Variants in TTLL11 observed in about 807,000 individuals in gnomAD.
TTLL11 encodes the protein tubulin tyrosine ligase like 11, also known as tubulin polyglutamylase TTLL11.
Under a neutral mutation model 51.7 loss-of-function variants are expected in TTLL11, and 42 were observed. That is an observed-to-expected ratio of 0.81 (90% confidence interval 0.64 to 1.05). TTLL11 has a LOEUF of 1.05. Among genes scored for constraint, TTLL11 ranks in the 50% least tolerant of loss-of-function variants. TTLL11 has a pLI of 0.00. For synonymous variants in TTLL11, 381 were observed against 383.5 expected (o/e 0.99, Z 0.08); for missense variants, 799 against 940.4 (o/e 0.85, Z 1.97).
chr9:122,031,750 AG>A lies in TTLL11; in HGVS notation c.665del (p.Pro222LeufsTer14). The A allele has an allele frequency of 6.2e-7, 1 of 1,613,096 alleles. No homozygotes were observed. Among genetic ancestry groups the A allele is most frequent in the Non-Finnish European group, 8.5e-7 (1 of 1,180,008 alleles). The stretch of plus-strand genomic sequence containing the variant: ...GAGCAACAAAGAGCTGGAACTCGTC[AG>A]GCAGAATCCATGAGCGAGGGTAGAA... ...YNFYPRSWILPDEFQLFVAQV... is the reference protein window; with the variant it reads ...YNFYPRSWILXDEFQLFVAQV... On this transcript the variant is annotated frameshift_variant, in exon 3 of 9. Transcript: ENST00000321582. LOFTEE classifies it high-confidence loss of function.
At position 121,817,218 on chromosome 9, in the gene TTLL11, G is replaced by C. The variant is rs572895940; in HGVS notation, c.*5369C>G. 4 of 152,308 alleles carry C rather than the reference G, an allele frequency of 2.6e-5. No homozygotes were observed. The South Asian group carries it at 8.3e-4, about 32-fold the overall frequency. The allele number at this position is 152,308 out of a possible 1,614,324, so 9.4% of individuals were successfully genotyped here. ...TCTGCCAATCACAAGGCACATTCCG[G>C]GTGTCAGAGGAGCAGCAGGAATCAT... is the stretch of plus-strand genomic sequence containing the variant. On this transcript the variant is annotated 3_prime_UTR_variant, in exon 9 of 9. Coordinates refer to ENST00000321582, the MANE Select transcript of TTLL11 (RefSeq NM_001139442.2).
Position 121,845,178 on chromosome 9 carries a change from A to T in TTLL11, c.1840+15159T>A, listed in dbSNP as rs553533463. ...AAGGTATATATGCCTTAGGTAAGGT[A>T]TATATAATGCCTTAAGGACAAGAAT... On this transcript the variant is annotated intron_variant, in intron 8 of 8. Coordinates refer to ENST00000321582, the MANE Select transcript of TTLL11 (RefSeq NM_001139442.2). Among the ~76,000 whole-genome samples the T allele has an allele frequency of 2.6e-5, 4 of 152,314 alleles. No homozygotes were observed. In the South Asian group the frequency reaches 8.3e-4, roughly 32 times the overall value.
At chr9:121,857,352 G>T (rs537235539) in intron 8 of TTLL11, among the ~76,000 whole-genome samples, 2 of 152,186 alleles carry the variant, frequency 1.3e-5, no homozygotes, top group East Asian at 1.9e-4. Context: ...AGCCCTGGAT[G>T]GGGGGAGAGC....
At chr9:122,057,322 CTTTTTTTTTTTT>C (rs58226814) in intron 1 of TTLL11, among the ~76,000 whole-genome samples, 8 of 128,174 alleles carry the variant, frequency 6.2e-5, no homozygotes, top group African/African-American at 9.1e-5. Context: ...AGCTCAAATC[CTTTTTTTTTTTT>C]TTTTTTTTTA....
At chr9:121,844,638 G>A (rs1837461000) in intron 8 of TTLL11, among the ~76,000 whole-genome samples, 1 of 152,110 alleles carries the variant, frequency 6.6e-6, no homozygotes, top group Admixed American at 6.5e-5. Flanking sequence ...CAACATTCAA[G>A]AACAGATGGA....
At chr9:121,935,471 C>T (rs373407549) in intron 6 of TTLL11, among the ~76,000 whole-genome samples, 43 of 152,298 alleles carry the variant, frequency 2.8e-4, no homozygotes, top group African/African-American at 9.4e-4. Flanking sequence ...CTAGATCAGA[C>T]AAGGCCTTGT....
chr9:121,972,063 T>A (rs1440716330), intron 6 of TTLL11, among the ~76,000 whole-genome samples: 1 of 150,876 alleles, frequency 6.6e-6, no homozygotes, highest in African/African-American at 2.4e-5. Flanking sequence ...CAAATCACCA[T>A]GGCACGTGTA....
chr9:122,012,442 A>G (rs7040155), intron 3 of TTLL11, among the ~76,000 whole-genome samples: 10,355 of 151,322 alleles, frequency 0.068, 553 homozygotes, highest in African/African-American at 0.16. Flanking sequence ...GAGAGAGAGA[A>G]AAAAAAAAGC....
chr9:122,071,018 C>A (rs1267999919), intron 1 of TTLL11, among the ~76,000 whole-genome samples: 1 of 152,144 alleles, frequency 6.6e-6, no homozygotes, highest in Non-Finnish European at 1.5e-5. Context: ...GCCAGTGTCT[C>A]GGGCACTCCA....
chr9:121,922,417 T>A (rs1840577944), intron 6 of TTLL11, among the ~76,000 whole-genome samples: 1 of 152,176 alleles, frequency 6.6e-6, no homozygotes, highest in African/African-American at 2.4e-5. Flanking sequence ...AAGGAATTCT[T>A]GGGGTCCGGG....
intron 7 of TTLL11, among the ~76,000 whole-genome samples, chr9:121,863,016 A>C (rs1430436490): frequency 6.6e-6 from 1 of 152,022 alleles, no homozygotes; most frequent in African/African-American, 2.4e-5. Flanking sequence ...CTTGTATGCC[A>C]GCACACTTTC....
chr9:122,083,826 G>A (rs1156432396), intron 1 of TTLL11, among the ~76,000 whole-genome samples: 1 of 151,972 alleles, frequency 6.6e-6, no homozygotes, highest in African/African-American at 2.4e-5. Context: ...AAAGAAAGAA[G>A]TCTGTAAAGA....
chr9:121,931,470 T>C (rs1325492300), intron 6 of TTLL11, among the ~76,000 whole-genome samples: 4 of 150,832 alleles, frequency 2.7e-5, no homozygotes, highest in Non-Finnish European at 5.9e-5. Flanking sequence ...AGGCCAGGCG[T>C]GGTGGCTTAC....
intron 3 of TTLL11, among the ~76,000 whole-genome samples, chr9:122,004,610 C>T (rs920431181): frequency 2.0e-5 from 3 of 152,222 alleles, no homozygotes; most frequent in Non-Finnish European, 4.4e-5. Context: ...ACCTCAGCCT[C>T]CCAATACAGC....
Position 121,821,801 on chromosome 9 carries a change from G to A in TTLL11, c.*786C>T, listed in dbSNP as rs1037594808. The A allele has an allele frequency of 6.6e-6, 1 of 152,030 alleles. No homozygotes were observed. The highest frequency in any genetic ancestry group is 2.4e-5 in the African/African-American group (1 of 41,378). The allele number at this position is 152,030 out of a possible 1,614,324, so 9.4% of individuals were successfully genotyped here. A position where few individuals can be genotyped will look rare whatever the true frequency, so the allele number is the denominator to read the frequency against. On this transcript the variant is annotated 3_prime_UTR_variant, in exon 9 of 9. Transcript: ENST00000321582. The surrounding 1 kb of genome is among the most constrained non-coding windows in gnomAD (Gnocchi z 5.0). ...AGGGACCCCTGGCAGTGCTTGTTGT[G>A]GACACGCTGGCCACATGACCAGCAC... is the stretch of plus-strand genomic sequence containing the variant.
chr9:122,065,343 C>T (rs1324857150), intron 1 of TTLL11, among the ~76,000 whole-genome samples: 2 of 152,220 alleles, frequency 1.3e-5, no homozygotes, highest in African/African-American at 4.8e-5. Context: ...GGAGGTCAAT[C>T]AGCCAGCCAG....
intron 8 of TTLL11, among the ~76,000 whole-genome samples, chr9:121,846,252 G>A (rs917734549): frequency 3.9e-5 from 6 of 152,112 alleles, no homozygotes; most frequent in African/African-American, 1.4e-4. Flanking sequence ...TAACATGTAT[G>A]CACCTAACAA....
chr9:121,816,225 C>T lies in TTLL11; in HGVS notation c.*6362G>A, dbSNP rs1836400813. On this transcript the variant is annotated 3_prime_UTR_variant, in exon 9 of 9. Coordinates refer to ENST00000321582, the MANE Select transcript of TTLL11 (RefSeq NM_001139442.2). ...ACAGTTCACGGCCTCCTCTGGGATTCTCAGCCCTCGCTTTCCCCATTCTGA... is the reference window on the plus strand; with the variant it reads ...ACAGTTCACGGCCTCCTCTGGGATTTTCAGCCCTCGCTTTCCCCATTCTGA... The T allele has an allele frequency of 1.3e-5, 2 of 152,368 alleles. No individual in the cohort carries two copies. The highest frequency in any genetic ancestry group is 4.8e-5 in the African/African-American group (2 of 41,590). 9.4% of individuals were successfully genotyped at this position (152,368 alleles called of 1,614,324 possible).
At chr9:122,028,442 G>A (rs1388153158) in intron 3 of TTLL11, among the ~76,000 whole-genome samples, 1 of 152,160 alleles carries the variant, frequency 6.6e-6, no homozygotes, top group African/African-American at 2.4e-5. Context: ...AACTGGAGGT[G>A]CTAAATTAAT....
Sources: gnomAD v4.1 joint callset for allele counts (sites outside exome capture counted in the v4.1 genomes callset) on GRCh38, gnomAD v4.1.1 for gene constraint, Gnocchi (gnomAD v3.1) non-coding constraint, MANE v1.5 for transcripts, NCBI Gene and HGNC (gene_info 2026-07-23, HGNC 2026-07-21) for gene names.